JAZF1: variants seen among roughly 807,000 people sequenced by gnomAD.
JAZF1 encodes JAZF zinc finger 1, also known as juxtaposed with another zinc finger protein 1.
A neutral mutation model predicts 26.4 loss-of-function variants in JAZF1; 8 were observed. The ratio of observed to expected loss-of-function variants is 0.30; its 90% confidence interval spans 0.18 to 0.55. JAZF1 has a LOEUF of 0.55. Ranked by LOEUF, JAZF1 falls within the 20% of genes least tolerant of loss-of-function variation. The pLI is 0.94. For missense variants in JAZF1, 199 were observed against 322.0 expected, an observed-to-expected ratio of 0.62 and a Z score of 2.92; for synonymous variants, 126 against 122.3, an observed-to-expected ratio of 1.03 and a Z score of -0.20.
At chr7:28,096,258 G>A (rs1784383033) in intron 1 of JAZF1, among the ~76,000 whole-genome samples, 1 of 152,226 alleles carries the variant, frequency 6.6e-6, no homozygotes, top group Admixed American at 6.5e-5. Flanking sequence ...GGTTGTCCGA[G>A]AAGTTCTGTG....
intron 1 of JAZF1, among the ~76,000 whole-genome samples, chr7:28,062,161 C>T (rs1370284427): frequency 1.3e-5 from 2 of 152,276 alleles, no homozygotes; most frequent in South Asian, 2.1e-4. Flanking sequence ...TTGTGCCAAC[C>T]GTCAGGTCAT....
intron 3 of JAZF1, among the ~76,000 whole-genome samples, chr7:27,886,424 C>CTATAAATTCCAT (rs1305323746): frequency 6.6e-6 from 1 of 152,206 alleles, no homozygotes; most frequent in Non-Finnish European, 1.5e-5. Context: ...CCTAACCTGA[C>CTATAAATTCCAT]ACATTCCATA....
chr7:28,113,189 T>C (rs921851601), intron 1 of JAZF1, among the ~76,000 whole-genome samples: 1 of 152,166 alleles, frequency 6.6e-6, no homozygotes, highest in African/African-American at 2.4e-5. Context: ...GTGTAACTTC[T>C]GGGGGCCCAA....
intron 3 of JAZF1, among the ~76,000 whole-genome samples, chr7:27,853,178 G>T (rs1197224863): frequency 2.0e-5 from 3 of 152,170 alleles, no homozygotes; most frequent in African/African-American, 7.2e-5. Context: ...GAAGATAAGA[G>T]TTTTGATCTT....
rs1158491166 is a variant in JAZF1 at position 28,016,404 on chromosome 7, A to G, written c.116-24423T>C. On this transcript the variant is annotated intron_variant, in intron 1 of 4. Transcript: ENST00000283928. ...GAATTTTAATCCCTAGAATAGTGGG[A>G]CATTCACGGCTGCCCACATGTTTCT... Among the ~76,000 whole-genome samples, 26 of 152,208 alleles carry G rather than the reference A, an allele frequency of 1.7e-4. 1 individual carries two copies.
chr7:27,854,676 T>A (rs1406242266), intron 3 of JAZF1, among the ~76,000 whole-genome samples: 1 of 152,218 alleles, frequency 6.6e-6, no homozygotes, highest in African/African-American at 2.4e-5. Context: ...TTCCTTTCTT[T>A]AAGAATGTTG....
At chr7:27,968,206 C>T (rs543085666) in intron 2 of JAZF1, among the ~76,000 whole-genome samples, 5 of 152,248 alleles carry the variant, frequency 3.3e-5, no homozygotes, top group African/African-American at 4.8e-5. Flanking sequence ...GAAAGTTAAA[C>T]GAAGACCACC....
At chr7:28,128,143 G>C (rs954297416) in intron 1 of JAZF1, among the ~76,000 whole-genome samples, 15 of 152,176 alleles carry the variant, frequency 9.9e-5, no homozygotes, top group African/African-American at 3.6e-4. Flanking sequence ...TCATAGTCCT[G>C]GTTACTGAGA....
chr7:27,891,109 G>C (rs1355722378), intron 3 of JAZF1, among the ~76,000 whole-genome samples: 1 of 152,064 alleles, frequency 6.6e-6, no homozygotes, highest in Non-Finnish European at 1.5e-5. Context: ...ACTTTTAAAA[G>C]GAGAAGGGTA....
At position 27,979,366 on chromosome 7, in the gene JAZF1, ATTTTTT is replaced by A. The variant is rs55737757; in HGVS notation, c.188+12537_188+12542del. Reference sequence around the variant, plus strand: ...TAACAGGCGTGGCCAGGTACACTACATTTTTTTTTTTTTTTTTTTTTTTTTTTTTTT... The same window carrying A: ...TAACAGGCGTGGCCAGGTACACTACATTTTTTTTTTTTTTTTTTTTTTTTT... On this transcript the variant is annotated intron_variant, in intron 2 of 4. Transcript: ENST00000283928. Among the ~76,000 whole-genome samples the A allele has an allele frequency of 4.8e-3, 278 of 58,252 alleles. 2 individuals are homozygous for A. Among genetic ancestry groups the A allele is most frequent in the African/African-American group, 0.018 (267 of 14,894 alleles). 38.2% of individuals were successfully genotyped at this position (58,252 alleles called of 152,430 possible).
At chr7:28,179,744 C>T (rs1334457690) in intron 1 of JAZF1, among the ~76,000 whole-genome samples, 1 of 147,004 alleles carries the variant, frequency 6.8e-6, no homozygotes, top group African/African-American at 2.4e-5. Context: ...CCCGCCCGGG[C>T]CCCTCGGCCG....
intron 2 of JAZF1, among the ~76,000 whole-genome samples, chr7:27,951,063 T>C (rs1785000214): frequency 6.6e-6 from 1 of 152,172 alleles, no homozygotes; most frequent in Non-Finnish European, 1.5e-5. Flanking sequence ...TGCCCATTCT[T>C]TTAGGATGGT....
At position 28,092,290 on chromosome 7, in the gene JAZF1, C is replaced by CAAAAAA. The variant is rs749913273; in HGVS notation, c.115+88167_115+88172dup. Among the ~76,000 whole-genome samples the CAAAAAA allele has an allele frequency of 9.4e-4, 12 of 12,796 alleles. 3 individuals are homozygous for CAAAAAA. Among genetic ancestry groups the CAAAAAA allele is most frequent in the Non-Finnish European group, 1.2e-3 (6 of 5,182 alleles). 8.4% of individuals were successfully genotyped at this position (12,796 alleles called of 152,430 possible). On this transcript the variant is annotated intron_variant, in intron 1 of 4. Coordinates refer to ENST00000283928, the MANE Select transcript of JAZF1 (RefSeq NM_175061.4). ...AACATCCCATTTCAGGGACAAAAGG[C>CAAAAAA]AAAAAAAAAAAAAAAAAAAAAAAAA... is the stretch of plus-strand genomic sequence containing the variant.
intron 4 of JAZF1, among the ~76,000 whole-genome samples, chr7:27,837,694 A>C (rs1187276572): frequency 6.6e-6 from 1 of 152,154 alleles, no homozygotes; most frequent in Non-Finnish European, 1.5e-5. Flanking sequence ...GTGGAATTAA[A>C]ATGAGAGATA....
At chr7:28,154,491 G>A (rs1783151966) in intron 1 of JAZF1, among the ~76,000 whole-genome samples, 1 of 152,170 alleles carries the variant, frequency 6.6e-6, no homozygotes, top group Admixed American at 6.5e-5. Flanking sequence ...TGGAGTGAGT[G>A]CAGGACTCAA....
At chr7:28,095,721 G>A (rs888782097) in intron 1 of JAZF1, among the ~76,000 whole-genome samples, 4 of 152,120 alleles carry the variant, frequency 2.6e-5, no homozygotes, top group South Asian at 2.1e-4. Flanking sequence ...TCCGCTGAAC[G>A]TCAAATCCCT....
Position 27,830,846 on chromosome 7 carries a change from A to AAAT in JAZF1, c.*1951_*1953dup, listed in dbSNP as rs764397070. 2 of 210,460 alleles carry AAAT rather than the reference A, an allele frequency of 9.5e-6. No individual in the cohort carries two copies. Among genetic ancestry groups the AAAT allele is most frequent in the Non-Finnish European group, 1.9e-5 (2 of 103,398 alleles). 13.0% of individuals were successfully genotyped at this position (210,460 alleles called of 1,614,324 possible). A position where few individuals can be genotyped will look rare whatever the true frequency, so the allele number is the denominator to read the frequency against. The stretch of plus-strand genomic sequence containing the variant: ...AGTAATACTGTCACAATGAATAAGT[A>AAAT]AATAGAAATTGGAATTTATCTTTGA... On this transcript the variant is annotated 3_prime_UTR_variant, in exon 5 of 5. Transcript: ENST00000283928.
chr7:27,942,941 A>G lies in JAZF1; in HGVS notation c.189-47525T>C, dbSNP rs982182477. ...GTAAGATGAGGCGCTATTTGGTCACATGACCTCAAGCGTGATCAGCCTTGA... is the reference window on the plus strand; with the variant it reads ...GTAAGATGAGGCGCTATTTGGTCACGTGACCTCAAGCGTGATCAGCCTTGA... On this transcript the variant is annotated intron_variant, in intron 2 of 4. Coordinates refer to ENST00000283928, the MANE Select transcript of JAZF1 (RefSeq NM_175061.4). Among the ~76,000 whole-genome samples, 7 of 152,330 alleles carry G rather than the reference A, an allele frequency of 4.6e-5. No homozygotes were observed. In the East Asian group the frequency reaches 1.4e-3, roughly 29 times the overall value.
chr7:28,161,788 T>TC (rs1783295873), intron 1 of JAZF1, among the ~76,000 whole-genome samples: 1 of 152,108 alleles, frequency 6.6e-6, no homozygotes, highest in Non-Finnish European at 1.5e-5. Context: ...TATCCTTTAT[T>TC]CCCCAAGAAT....
Sources: gnomAD v4.1 joint callset for allele counts (sites outside exome capture counted in the v4.1 genomes callset) on GRCh38, gnomAD v4.1.1 for gene constraint, MANE v1.5 for transcripts, NCBI Gene and HGNC (gene_info 2026-07-23, HGNC 2026-07-21) for gene names.